HHAT: variants seen among roughly 807,000 people sequenced by gnomAD.
The protein encoded by HHAT is hedgehog acyltransferase.
In HHAT, 47 loss-of-function variants were observed where a neutral mutation model predicts 70.8. That is an observed-to-expected ratio of 0.66 (90% confidence interval 0.53 to 0.85). The LOEUF is 0.85. HHAT is among the 40% of genes least tolerant of loss of function. The pLI is 0.00. For synonymous variants in HHAT, 228 were observed against 247.6 expected, an observed-to-expected ratio of 0.92 and a Z score of 0.74; for missense variants, 609 against 604.8, an observed-to-expected ratio of 1.01 and a Z score of -0.07.
intron 9 of HHAT, among the ~76,000 whole-genome samples, chr1:210,572,050 G>T (rs1176159820): frequency 1.4e-4 from 21 of 152,188 alleles, no homozygotes; most frequent in Non-Finnish European, 8.8e-5. Context: ...TGGGATGATG[G>T]TCTTGCTTTG....
intron 4 of HHAT, among the ~76,000 whole-genome samples, chr1:210,390,970 T>TG (rs2091422970): frequency 3.3e-5 from 5 of 152,264 alleles, no homozygotes; most frequent in Admixed American, 3.3e-4. Flanking sequence ...TGCAAGTGCA[T>TG]GTGCCTTTTT....
At position 210,674,347 on chromosome 1, in the gene HHAT, A is replaced by G. The variant is rs1489287557; in HGVS notation, c.1450A>G (p.Ile484Val). The change falls in exon 12 of 12, where the codon ATT becomes GTT. Residue 484 changes from isoleucine (I) to valine (V), a missense_variant. Transcript: ENST00000261458. ...GFLYCYSHVG[I>V]AWAQTYATD Reference sequence around the variant, plus strand: ...CCTGTACTGCTACTCCCACGTGGGCATTGCCTGGGCCCAGACCTACGCCAC... The same window carrying G: ...CCTGTACTGCTACTCCCACGTGGGCGTTGCCTGGGCCCAGACCTACGCCAC... The G allele has an allele frequency of 6.2e-7, 1 of 1,614,058 alleles. No individual in the cohort carries two copies. The highest frequency in any genetic ancestry group is 1.3e-5 in the African/African-American group (1 of 74,936).
At chr1:210,400,367 T>C (rs2092005586) in intron 4 of HHAT, 101 bp from the exon 5 acceptor site, 2 of 1,074,628 alleles carry the variant, frequency 1.9e-6, no homozygotes, top group South Asian at 3.4e-5. Flanking sequence ...TCCTCTTACA[T>C]GTAGAACCTT....
chr1:210,609,097 TGATTATGGG>T (rs1666093902), intron 10 of HHAT, among the ~76,000 whole-genome samples: 1 of 152,074 alleles, frequency 6.6e-6, no homozygotes, highest in African/African-American at 2.4e-5. Context: ...TGACACGTGG[TGATTATGGG>T]GATTACAATT....
At chr1:210,348,614 A>G (rs1487179588) in intron 1 of HHAT, among the ~76,000 whole-genome samples, 2 of 152,136 alleles carry the variant, frequency 1.3e-5, no homozygotes, top group African/African-American at 4.8e-5. Context: ...CAGAAGAGAC[A>G]GGCATATTAT....
rs1159150462 is a variant in HHAT at position 210,542,495 on chromosome 1, A to AT, written c.1043+29307_1043+29308insT. The stretch of plus-strand genomic sequence containing the variant: ...CGCATCAGTGTTTTAGTTAAAAAAA[A>AT]AATATATATATATATATATTGGTTG... On this transcript the variant is annotated intron_variant, in intron 9 of 11. Transcript: ENST00000261458. Among the ~76,000 whole-genome samples the AT allele has an allele frequency of 4.4e-3, 620 of 140,360 alleles. 5 individuals are homozygous for AT. Among genetic ancestry groups the AT allele is most frequent in the African/African-American group, 0.015 (593 of 39,708 alleles). The allele number at this position is 140,360 out of a possible 152,430, so 92.1% of individuals were successfully genotyped here.
chr1:210,591,637 C>T (rs1193272939), intron 10 of HHAT, among the ~76,000 whole-genome samples: 2 of 152,034 alleles, frequency 1.3e-5, no homozygotes, highest in Non-Finnish European at 2.9e-5. Flanking sequence ...TTTTCCATAC[C>T]GTGGTCTTGT....
chr1:210,636,142 T>C (rs1671827825), intron 11 of HHAT, among the ~76,000 whole-genome samples: 1 of 152,236 alleles, frequency 6.6e-6, no homozygotes, highest in Non-Finnish European at 1.5e-5. Context: ...CTTGGTTATC[T>C]TTGTCTATGT....
chr1:210,528,356 G>A (rs1049043139), intron 9 of HHAT, among the ~76,000 whole-genome samples: 4 of 152,162 alleles, frequency 2.6e-5, no homozygotes, highest in Non-Finnish European at 4.4e-5. Flanking sequence ...CTTGTGTTCC[G>A]GGCGCTAAGA....
intron 1 of HHAT, among the ~76,000 whole-genome samples, chr1:210,333,401 A>G (rs1204667371): frequency 2.6e-5 from 4 of 152,144 alleles, no homozygotes; most frequent in African/African-American, 9.6e-5. Flanking sequence ...TCTAGCCTGC[A>G]TGACAGAGTG....
At chr1:210,649,142 A>G (rs1046395939) in intron 11 of HHAT, among the ~76,000 whole-genome samples, 1 of 152,206 alleles carries the variant, frequency 6.6e-6, no homozygotes, top group Admixed American at 6.5e-5. Context: ...ATTTGGCTAT[A>G]TATTCAACTC....
At chr1:210,404,417 G>A in intron 5 of HHAT, 47 bp from the exon 6 acceptor site, 1 of 1,462,226 alleles carries the variant, frequency 6.8e-7, no homozygotes, top group South Asian at 1.2e-5. Flanking sequence ...ACTGGACGAT[G>A]TCCCTGCTGG....
chr1:210,613,903 C>A (rs1004031722), intron 10 of HHAT, among the ~76,000 whole-genome samples: 1 of 151,700 alleles, frequency 6.6e-6, no homozygotes, highest in African/African-American at 2.4e-5. Flanking sequence ...ACCTGTGGTC[C>A]CAGCTTCTTA....
At chr1:210,588,212 T>C (rs1241865951) in intron 10 of HHAT, 113 bp downstream of exon 10, 3 of 946,154 alleles carry the variant, frequency 3.2e-6, no homozygotes, top group South Asian at 1.7e-5. Flanking sequence ...TTCTACTAGG[T>C]TGGTTCAAAG....
intron 7 of HHAT, among the ~76,000 whole-genome samples, chr1:210,461,735 A>G (rs1354311927): frequency 6.6e-6 from 1 of 152,226 alleles, no homozygotes; most frequent in East Asian, 1.9e-4. Flanking sequence ...TAAATTTAAT[A>G]ATGCTTTAAA....
chr1:210,535,431 T>TTG (rs144319730), intron 9 of HHAT, among the ~76,000 whole-genome samples: 36,848 of 149,726 alleles, frequency 0.25, 5,242 homozygotes, highest in Non-Finnish European at 0.31. Flanking sequence ...CATTGTGTGT[T>TTG]TGTGTGTGTG....
intron 3 of HHAT, chr1:210,374,089 A>G (rs904347932): frequency 6.6e-6 from 1 of 152,150 alleles, no homozygotes; most frequent in Non-Finnish European, 1.5e-5. Flanking sequence ...GTGACAATGA[A>G]TCACTTAAGC....
rs1307145641 is a variant in HHAT at position 210,676,151 on chromosome 1, A to G, written c.*1772A>G. On this transcript the variant is annotated 3_prime_UTR_variant, in exon 12 of 12. Coordinates refer to ENST00000261458, the MANE Select transcript of HHAT (RefSeq NM_018194.6). ...TCTTCCAAGTATACCATTTATATAC[A>G]AACAAATAGGTTTATTCATTCATTA... The G allele has an allele frequency of 6.6e-6, 1 of 152,234 alleles. No individual in the cohort carries two copies. The highest frequency in any genetic ancestry group is 1.5e-5 in the Non-Finnish European group (1 of 68,042). 9.4% of individuals were successfully genotyped at this position (152,234 alleles called of 1,614,324 possible). A position where few individuals can be genotyped will look rare whatever the true frequency, so the allele number is the denominator to read the frequency against.
At chr1:210,479,039 G>A (rs527397367) in intron 8 of HHAT, among the ~76,000 whole-genome samples, 22 of 152,284 alleles carry the variant, frequency 1.4e-4, no homozygotes, top group African/African-American at 4.8e-4. Context: ...GGAGGTGCCA[G>A]CAGCAGGAGT....
Sources: gnomAD v4.1 joint callset for allele counts (sites outside exome capture counted in the v4.1 genomes callset) on GRCh38, gnomAD v4.1.1 for gene constraint, MANE v1.5 for transcripts, NCBI Gene and HGNC (gene_info 2026-07-23, HGNC 2026-07-21) for gene names.